GRAMD2A: variants seen among roughly 807,000 people sequenced by gnomAD.
GRAMD2A encodes the protein GRAM domain containing 2A, also known as GRAM domain-containing protein 2A.
A neutral mutation model predicts 51.1 loss-of-function variants in GRAMD2A; 37 were observed. That is an observed-to-expected ratio of 0.72 (90% CI 0.56 to 0.95). The LOEUF (loss-of-function observed/expected upper bound fraction) is 0.95. Among genes scored for constraint, GRAMD2A ranks in the 40% least tolerant of loss-of-function variants. GRAMD2A has a pLI of 0.00. For synonymous variants in GRAMD2A, 136 were observed against 157.1 expected (o/e 0.87, Z 1.01); for missense variants, 414 against 426.9 (o/e 0.97, Z 0.27).
At chr15:72,193,978 T>G (rs1292323824) in intron 1 of GRAMD2A, among the ~76,000 whole-genome samples, 1 of 152,234 alleles carries the variant, frequency 6.6e-6, no homozygotes, top group Non-Finnish European at 1.5e-5. Context: ...CTGTTACTTC[T>G]TAATTACACA....
chr15:72,197,396 T>C (rs893809525), intron 1 of GRAMD2A, among the ~76,000 whole-genome samples: 2 of 151,960 alleles, frequency 1.3e-5, no homozygotes, highest in African/African-American at 4.8e-5. Flanking sequence ...ATGAACAGAG[T>C]GGCGAGGCGG....
chr15:72,163,316 A>G lies in GRAMD2A; in HGVS notation c.906T>C (p.Thr302=). 6.2e-7 allele frequency: 1 copy of G among 1,613,016 alleles called. No individual in the cohort carries two copies. Among genetic ancestry groups the G allele is most frequent in the Non-Finnish European group, 8.5e-7 (1 of 1,178,982 alleles). ...GGTAATCCCAGAGCCTCAGCTCCCCAGTGCTCCTGGGCTCCTCCTCCAGCT... is the reference window on the plus strand; with the variant it reads ...GGTAATCCCAGAGCCTCAGCTCCCCGGTGCTCCTGGGCTCCTCCTCCAGCT... The part of the protein sequence containing the change: ...EDELEEEPRS[T]GELRLWDYRL... Residue 302 remains threonine, a synonymous_variant, in exon 10 of 12, where the codon ACT becomes ACC. Transcript: ENST00000309731.
chr15:72,171,453 G>A (rs560333090), intron 1 of GRAMD2A, among the ~76,000 whole-genome samples: 3 of 152,150 alleles, frequency 2.0e-5, no homozygotes, highest in African/African-American at 7.2e-5. Flanking sequence ...CTACTTCTGT[G>A]GCTTAACCTG....
intron 3 of GRAMD2A, 49 bp downstream of exon 3, chr15:72,168,890 C>T (rs1267884166): frequency 6.4e-7 from 1 of 1,565,182 alleles, no homozygotes; most frequent in South Asian, 1.1e-5. Context: ...TTCTGGCAGC[C>T]CAGGACCCCT....
chr15:72,167,170 C>A, intron 5 of GRAMD2A, 78 bp from the exon 6 acceptor site: 1 of 1,079,516 alleles, frequency 9.3e-7, no homozygotes, highest in Non-Finnish European at 1.4e-6. Flanking sequence ...AGGGACCCAG[C>A]TGTGAGCCCA....
chr15:72,163,237 C>G (rs550215031), intron 10 of GRAMD2A, 29 bp downstream of exon 10: 27 of 1,529,486 alleles, frequency 1.8e-5, no homozygotes, highest in Middle Eastern at 1.7e-4. Flanking sequence ...GCAGGTGGGT[C>G]TGTCCCCCTC....
rs548197122 is a variant in GRAMD2A at position 72,175,353 on chromosome 15, C to T, written c.42-5414G>A. On this transcript the variant is annotated intron_variant, in intron 1 of 11. Transcript: ENST00000309731. ...ACTGCCCAGAGGGCCAGCTGGGGCC[C>T]GGGTCTGATCCTGCCACTCTCCTGC... is the stretch of plus-strand genomic sequence containing the variant. 1.2e-4 allele frequency among the ~76,000 whole-genome samples: 19 copies of T among 152,288 alleles called. No individual in the cohort carries two copies. The South Asian group carries it at 1.5e-3, about 12-fold the overall frequency.
intron 7 of GRAMD2A, among the ~76,000 whole-genome samples, chr15:72,165,921 G>A (rs1402374778): frequency 6.6e-6 from 1 of 151,818 alleles, no homozygotes; most frequent in Non-Finnish European, 1.5e-5. Context: ...CAGGCTGGAG[G>A]GCAATGGTGC....
At chr15:72,165,460 G>A in intron 7 of GRAMD2A, 50 bp from the exon 8 acceptor site, 1 of 1,563,282 alleles carries the variant, frequency 6.4e-7, no homozygotes, top group East Asian at 2.2e-5. Context: ...AACAGGCAAG[G>A]TCAGGCAGGG....
At chr15:72,191,252 T>C (rs1057405233) in intron 1 of GRAMD2A, among the ~76,000 whole-genome samples, 2 of 151,780 alleles carry the variant, frequency 1.3e-5, no homozygotes, top group Non-Finnish European at 2.9e-5. Context: ...CAGGCTGGAG[T>C]GCAATGGTGT....
chr15:72,183,521 AAAC>A (rs3028402), intron 1 of GRAMD2A, among the ~76,000 whole-genome samples: 21 of 149,604 alleles, frequency 1.4e-4, no homozygotes, highest in Middle Eastern at 3.5e-3. Context: ...TCTCCATTAA[AAAC>A]AACAACAACA....
At chr15:72,179,524 G>T (rs1481934871) in intron 1 of GRAMD2A, among the ~76,000 whole-genome samples, 3 of 152,226 alleles carry the variant, frequency 2.0e-5, no homozygotes, top group Admixed American at 1.3e-4. Context: ...GAAGCAGGGG[G>T]CCATGGGCCA....
chr15:72,195,268 T>C (rs2081796639), intron 1 of GRAMD2A, among the ~76,000 whole-genome samples: 1 of 152,130 alleles, frequency 6.6e-6, no homozygotes, highest in Non-Finnish European at 1.5e-5. Context: ...TACCTTATGG[T>C]GTAAAGCAGG....
chr15:72,169,648 A>G (rs2081588202), intron 2 of GRAMD2A, 199 bp downstream of exon 2: 14 of 696,454 alleles, frequency 2.0e-5, no homozygotes, highest in Non-Finnish European at 3.4e-5. Flanking sequence ...CCCGAGAAGC[A>G]TGGACTCTGC....
At chr15:72,188,759 T>G (rs2081749993) in intron 1 of GRAMD2A, among the ~76,000 whole-genome samples, 1 of 152,136 alleles carries the variant, frequency 6.6e-6, no homozygotes, top group South Asian at 2.1e-4. Context: ...CTTGGCTCAC[T>G]GCAACCTCCG....
Position 72,169,701 on chromosome 15 carries a change from G to T in GRAMD2A, c.134+146C>A, listed in dbSNP as rs2140548111. 4.2e-6 allele frequency: 3 copies of T among 710,960 alleles called. No homozygotes were observed. The East Asian group carries it at 7.7e-5, about 18-fold the overall frequency. 44.0% of individuals were successfully genotyped at this position (710,960 alleles called of 1,614,324 possible). ...GGACAGTCTTGAGGGGCGGGAGGAA[G>T]AAGCCTGGGGCAGCCTGTGCCTGAC... is the stretch of plus-strand genomic sequence containing the variant. On this transcript the variant is annotated intron_variant, in intron 2 of 11. Coordinates refer to ENST00000309731, the MANE Select transcript of GRAMD2A (RefSeq NM_001012642.3).
intron 1 of GRAMD2A, among the ~76,000 whole-genome samples, chr15:72,180,440 G>A (rs913435208): frequency 2.0e-5 from 3 of 152,238 alleles, no homozygotes; most frequent in Non-Finnish European, 2.9e-5. Context: ...GTGCTCTTGG[G>A]GGCCGCCCTC....
chr15:72,168,409 C>A (rs2081571622), intron 4 of GRAMD2A, 82 bp downstream of exon 4: 1 of 939,434 alleles, frequency 1.1e-6, no homozygotes, highest in Non-Finnish European at 1.8e-6. Flanking sequence ...ATTTCTAAGT[C>A]GTGCTTTGGA....
At position 72,162,313 on chromosome 15, in the gene GRAMD2A, A is replaced by T. The variant is rs1276171714; in HGVS notation, c.1021T>A (p.Leu341Ile). 1 of 1,614,132 alleles carries T rather than the reference A, an allele frequency of 6.2e-7. No homozygotes were observed. ...AFRISRLEQQ[L>I]CSLSWDDPVP... ...GGGTCATCCCAACTCAAGGAGCATA[A>T]CTGCTGCTCTAGCCGAGAAATACGG... The change falls in exon 11 of 12, where the codon TTA (leucine) becomes ATA (isoleucine). Residue 341 changes from leucine (L) to isoleucine (I), a missense_variant. Leu to Ile is a conservative substitution (Grantham distance 5, BLOSUM62 2). Transcript: ENST00000309731.
Sources: allele counts gnomAD v4.1 joint callset (sites outside exome capture counted in the v4.1 genomes callset), GRCh38; gene constraint gnomAD v4.1.1; transcripts MANE v1.5; gene names NCBI Gene and HGNC (gene_info 2026-07-23, HGNC 2026-07-21).